Variants in PFAS observed in about 807,000 individuals in gnomAD.
PFAS encodes the protein FGAM synthase.
Under a neutral mutation model 140.6 loss-of-function variants are expected in PFAS, and 97 were observed. The ratio of observed to expected loss-of-function variants is 0.69; its 90% CI spans 0.59 to 0.82. The LOEUF is 0.82. Ranked by LOEUF, PFAS falls within the 40% of genes least tolerant of loss-of-function variation. PFAS has a pLI of 0.00. For synonymous variants in PFAS, 679 were observed against 718.8 expected (o/e 0.94, Z 0.88); for missense variants, 1,656 against 1,780.2 (o/e 0.93, Z 1.26).
intron 1 of PFAS, among the ~76,000 whole-genome samples, chr17:8,251,431 G>A (rs1001714998): frequency 6.6e-6 from 1 of 151,984 alleles, no homozygotes; most frequent in African/African-American, 2.4e-5. Flanking sequence ...ACAGGTACAT[G>A]CCACCATGCC....
At position 8,256,394 on chromosome 17, in the gene PFAS, T is replaced by A. The variant is rs1378848982; in HGVS notation, c.808T>A (p.Cys270Ser). ...GAACCCCAACAACGTCCTCAAATTC[T>A]GTGATAACAGCAGGTGCTGTGCCCT... is the stretch of plus-strand genomic sequence containing the variant. ...SSNPNNVLKFCDNSSAIQGKE... is the reference protein window; with the variant it reads ...SSNPNNVLKFSDNSSAIQGKE... Residue 270 changes from cysteine (C) to serine (S), a missense_variant, in exon 7 of 28, where the codon TGT becomes AGT. Cys to Ser is a moderately radical substitution (Grantham distance 112, BLOSUM62 -1). This residue lies in a region of PFAS where 773 missense variants were observed against 757.3 expected (regional missense o/e 1.02). Transcript: ENST00000314666. 1.9e-6 allele frequency: 3 copies of A among 1,614,086 alleles called. No individual in the cohort carries two copies. Among genetic ancestry groups the A allele is most frequent in the Non-Finnish European group, 2.5e-6 (3 of 1,180,042 alleles).
rs34939404 is a variant in PFAS at position 8,262,979 on chromosome 17, G to A, written c.1396G>A (p.Ala466Thr). Residue 466 changes from alanine (A) to threonine (T), a missense_variant, in exon 12 of 28, where the codon GCT (alanine) becomes ACT (threonine). Ala to Thr is a moderately conservative substitution (Grantham distance 58, BLOSUM62 0). Transcript: ENST00000314666. ...VYRIGVGGGA[A>T]SSVQVQGDNT... ...CAGGATTGGAGTTGGAGGTGGAGCT[G>A]CTTCATCTGTGCAGGTGAGTGGGAA... is the stretch of plus-strand genomic sequence containing the variant. 6.2e-3 allele frequency: 10,014 copies of A among 1,613,902 alleles called. 49 individuals are homozygous for A. Among genetic ancestry groups the A allele is most frequent in the Non-Finnish European group, 7.2e-3 (8,462 of 1,179,772 alleles).
At chr17:8,268,001 A>G (rs918532264) in intron 26 of PFAS, among the ~76,000 whole-genome samples, 1 of 140,800 alleles carries the variant, frequency 7.1e-6, no homozygotes, top group African/African-American at 2.6e-5. Context: ...ATTAAAATAT[A>G]TTATTTATAT....
rs759656030 is a variant in PFAS, at chr17:8,264,584, C to T, written c.2032C>T (p.Arg678Cys). The T allele has an allele frequency of 2.4e-5, 39 of 1,612,560 alleles. No homozygotes were observed. The highest frequency in any genetic ancestry group is 1.7e-4 in the Middle Eastern group (1 of 5,806). ...GAGGCTGCCCGCCGTGGCCAGCAAG[C>T]GCTACCTCACCAATAAGGTCCTCCC... ...VLRLPAVASK[R>C]YLTNKVDRSV... Residue 678 changes from arginine (R) to cysteine (C), a missense_variant, in exon 17 of 28, where the codon CGC becomes TGC. Coordinates refer to ENST00000314666, the MANE Select transcript of PFAS (RefSeq NM_012393.3).
rs372417726 is a variant in PFAS at position 8,266,727 on chromosome 17, C to G, written c.2822-26C>G. On this transcript the variant is annotated intron_variant, in intron 22 of 27. Transcript: ENST00000314666. This position sits in a 1 kb window ranked among gnomAD's most constrained non-coding sequence, Gnocchi z 5.0. ...ACTCCCTTGGCCCTTCTTGCATCCC[C>G]CTGACTCCCCACATTGCTCTCCCAG... The G allele has an allele frequency of 7.2e-5, 114 of 1,578,824 alleles. No homozygotes were observed. Among genetic ancestry groups the G allele is most frequent in the Non-Finnish European group, 8.8e-5 (103 of 1,164,100 alleles).
intron 3 of PFAS, 90 bp downstream of exon 3, chr17:8,254,391 G>A: frequency 6.8e-7 from 1 of 1,466,862 alleles, no homozygotes; most frequent in Admixed American, 1.7e-5. Flanking sequence ...TTTGCTCTTT[G>A]CTACTTCCTG....
In PFAS at chr17:8,257,715, G is replaced by C; in HGVS notation, c.1076-92G>C. The C allele has an allele frequency of 3.0e-6, 4 of 1,339,364 alleles. No individual in the cohort carries two copies. In the Middle Eastern group the frequency reaches 6.5e-4, roughly 218 times the overall value. 83.0% of individuals were successfully genotyped at this position (1,339,364 alleles called of 1,614,324 possible). A position where few individuals can be genotyped will look rare whatever the true frequency, so the allele number is the denominator to read the frequency against. On this transcript the variant is annotated intron_variant, in intron 9 of 27. Transcript: ENST00000314666. Reference sequence around the variant, plus strand: ...CATTGCAACCATGCAGGTGGTCCTTGGTGGCCTTGACTCTTCCTGAAGGAT... The same window carrying C: ...CATTGCAACCATGCAGGTGGTCCTTCGTGGCCTTGACTCTTCCTGAAGGAT...
rs750798817 is a variant in PFAS at position 8,265,460 on chromosome 17, G to A, written c.2453G>A (p.Arg818Gln). 2.0e-5 allele frequency: 33 copies of A among 1,613,532 alleles called. No homozygotes were observed. In the East Asian group the frequency reaches 2.2e-4, roughly 11 times the overall value. Residue 818 changes from arginine (R) to glutamine (Q), a missense_variant, in exon 19 of 28, where the codon CGG becomes CAG. Physicochemically the swap from Arg to Gln is conservative, Grantham distance 43. This residue lies in a region of PFAS where 883 missense variants were observed against 1,023.0 expected (regional missense o/e 0.86). Coordinates refer to ENST00000314666, the MANE Select transcript of PFAS (RefSeq NM_012393.3). The part of the protein sequence containing the change: ...MAARVGTETV[R>Q]APGSLVISAY... Reference sequence around the variant, plus strand: ...GCTCGGGTTGGCACTGAGACCGTGCGGGCTCCTGGTGAGGTGTGGGAGCCC... The same window carrying A: ...GCTCGGGTTGGCACTGAGACCGTGCAGGCTCCTGGTGAGGTGTGGGAGCCC...
chr17:8,262,842 T>C (rs1229958685), intron 11 of PFAS, 78 bp from the exon 12 acceptor site: 29 of 1,099,596 alleles, frequency 2.6e-5, no homozygotes, highest in Non-Finnish European at 1.4e-6. Context: ...CAGCTTCCTC[T>C]GTGTTCACGC....
At chr17:8,262,015 CAA>C (rs112839541) in intron 11 of PFAS, among the ~76,000 whole-genome samples, 4 of 134,204 alleles carry the variant, frequency 3.0e-5, no homozygotes, top group Admixed American at 7.5e-5. Context: ...GACCCCATCT[CAA>C]AAAAAAAAAA....
chr17:8,250,646 T>C (rs1989113976), intron 1 of PFAS, among the ~76,000 whole-genome samples: 1 of 152,080 alleles, frequency 6.6e-6, no homozygotes, highest in African/African-American at 2.4e-5. Flanking sequence ...TTGGGATAGA[T>C]GGGGAGGGCC....
At position 8,267,083 on chromosome 17, in the gene PFAS, G is replaced by A. The variant is rs141025302; in HGVS notation, c.3023G>A (p.Arg1008Gln). ...CTGGAGGAGCCTGTTGGGGAGCTGCGAGCCCTCTGGGAGGAGACGAGTTTC... is the reference window on the plus strand; with the variant it reads ...CTGGAGGAGCCTGTTGGGGAGCTGCAAGCCCTCTGGGAGGAGACGAGTTTC... ...VVLEEPVGELRALWEETSFQL... is the reference protein window; with the variant it reads ...VVLEEPVGELQALWEETSFQL... Residue 1008 changes from arginine to glutamine, a missense_variant, in exon 24 of 28, where the codon CGA becomes CAA. Arg to Gln is a conservative substitution (Grantham distance 43). Transcript: ENST00000314666. This position sits in a 1 kb window ranked among gnomAD's most constrained non-coding sequence, Gnocchi z 4.9. 6.2e-5 allele frequency: 100 copies of A among 1,614,008 alleles called. No homozygotes were observed. In the East Asian group the frequency reaches 1.7e-3, roughly 28 times the overall value.
chr17:8,266,769 C>T lies in PFAS; in HGVS notation c.2838C>T (p.Phe946=), dbSNP rs1215469904. ...CTCTCCCAGTCCTGTCTGTGCTGTT[C>T]GCTGAGGAGCCAGGCCTCGTGCTGG... is the stretch of plus-strand genomic sequence containing the variant. ...VPRVDVLSVL[F]AEEPGLVLEV... is the part of the protein sequence containing the mutation. Residue 946 remains phenylalanine, a synonymous_variant, in exon 23 of 28, where the codon TTC becomes TTT. Coordinates refer to ENST00000314666, the MANE Select transcript of PFAS (RefSeq NM_012393.3). The surrounding 1 kb of genome is among the most constrained non-coding windows in gnomAD (Gnocchi z 5.0). 7.5e-6 allele frequency: 12 copies of T among 1,609,176 alleles called. No individual in the cohort carries two copies. Among genetic ancestry groups the T allele is most frequent in the African/African-American group, 1.3e-5 (1 of 74,880 alleles).
rs1295508360 is a variant in PFAS at position 8,263,395 on chromosome 17, C to G, written c.1567+130C>G. 5.3e-6 allele frequency: 6 copies of G among 1,136,168 alleles called. No individual in the cohort carries two copies. The African/African-American group carries it at 7.6e-5, about 14-fold the overall frequency. The allele number at this position is 1,136,168 out of a possible 1,614,324, so 70.4% of individuals were successfully genotyped here. A position where few individuals can be genotyped will look rare whatever the true frequency, so the allele number is the denominator to read the frequency against. On this transcript the variant is annotated intron_variant, in intron 13 of 27. Transcript: ENST00000314666. Reference sequence around the variant, plus strand: ...TCCCATTCTCCATGCTCTGTACATTCTAGACAGGTTCAGGGTTGGAAGGGT... The same window carrying G: ...TCCCATTCTCCATGCTCTGTACATTGTAGACAGGTTCAGGGTTGGAAGGGT...
At chr17:8,263,040 C>G (rs759240875) in intron 12 of PFAS, 47 bp downstream of exon 12, 1 of 1,609,836 alleles carries the variant, frequency 6.2e-7, no homozygotes, top group African/African-American at 1.3e-5. Context: ...ATAACCGGGC[C>G]CCAGGCATAG....
rs377285392 is a variant in PFAS, at chr17:8,267,096, G to A, written c.3036G>A (p.Glu1012=). The change falls in exon 24 of 28, where the codon GAG becomes GAA. Residue 1012 remains glutamate, a synonymous_variant. Coordinates refer to ENST00000314666, the MANE Select transcript of PFAS (RefSeq NM_012393.3). This position sits in a 1 kb window ranked among gnomAD's most constrained non-coding sequence, Gnocchi z 4.9. The part of the protein sequence containing the change: ...EPVGELRALW[E]ETSFQLDRLQ... The stretch of plus-strand genomic sequence containing the variant: ...TTGGGGAGCTGCGAGCCCTCTGGGA[G>A]GAGACGAGTTTCCAGCTGGACCGGC... 16 of 1,613,842 alleles carry A rather than the reference G, an allele frequency of 9.9e-6. No individual in the cohort carries two copies. The highest frequency in any genetic ancestry group is 4.0e-5 in the African/African-American group (3 of 74,916).
At chr17:8,256,711 GCC>G in intron 8 of PFAS, 63 bp downstream of exon 8, 1 of 1,578,586 alleles carries the variant, frequency 6.3e-7, no homozygotes, top group Middle Eastern at 1.7e-4. Context: ...AAGGTCCCAG[GCC>G]CCTGGAGTGG....
At chr17:8,263,531 G>A (rs1265378329) in intron 13 of PFAS, 44 bp from the exon 14 acceptor site, 1 of 1,559,050 alleles carries the variant, frequency 6.4e-7, no homozygotes, top group South Asian at 1.1e-5. Context: ...TTTGTTGCCT[G>A]ACCACCACTA....
Position 8,269,074 on chromosome 17 carries a change from G to T in PFAS, c.3827G>T (p.Gly1276Val). The T allele has an allele frequency of 1.2e-6, 2 of 1,614,180 alleles. No individual in the cohort carries two copies. Among genetic ancestry groups the T allele is most frequent in the Non-Finnish European group, 1.7e-6 (2 of 1,180,022 alleles). The change falls in exon 28 of 28, where the codon GGG (glycine) becomes GTG (valine). Residue 1276 changes from glycine (G) to valine (V), a missense_variant. By Grantham distance (109) the Gly-to-Val change is moderately radical. Transcript: ENST00000314666. ...GAGCAGTACCCTCTGAATCCCAATG[G>T]GTCCCCAGGGGGCGTGGCTGGCATC... ...PTEQYPLNPNGSPGGVAGICS... is the reference protein window; with the variant it reads ...PTEQYPLNPNVSPGGVAGICS...
Sources: gnomAD v4.1 joint callset for allele counts (sites outside exome capture counted in the v4.1 genomes callset) on GRCh38, gnomAD v4.1.1 for gene constraint, gnomAD v4.1.1 regional missense constraint, Gnocchi (gnomAD v3.1) non-coding constraint, MANE v1.5 for transcripts, NCBI Gene and HGNC (gene_info 2026-07-23, HGNC 2026-07-21) for gene names.